OTC: variants seen among roughly 807,000 people sequenced by gnomAD.
The protein encoded by OTC is ornithine transcarbamylase.
In OTC, 3 loss-of-function variants were observed where a neutral mutation model predicts 30.3. The ratio of observed to expected loss-of-function variants is 0.10; its 90% CI spans 0.05 to 0.26. OTC has a LOEUF of 0.26. Ranked by LOEUF, OTC falls within the 10% of genes least tolerant of loss-of-function variation. OTC has a pLI of 1.00. For missense variants in OTC, 194 were observed against 260.3 expected, an observed-to-expected ratio of 0.75 and a Z score of 1.75; for synonymous variants, 111 against 99.7, an observed-to-expected ratio of 1.11 and a Z score of -0.67.
At chrX:38,400,238 G>C (rs1274808779) in intron 4 of OTC, among the ~76,000 whole-genome samples, 2 of 111,148 alleles carry the variant, frequency 1.8e-5, no homozygotes, top group African/African-American at 3.3e-5. Context: ...TTGAAAATCT[G>C]GGAGCCATGG....
chrX:38,330,872 G>A, the OTC span, among the ~76,000 whole-genome samples: 1 of 112,085 alleles, frequency 8.9e-6, no homozygotes, highest in Non-Finnish European at 1.9e-5. Flanking sequence ...ACAGTGTGAT[G>A]TGATTTTGTG....
chrX:38,367,433 T>C lies in OTC; in HGVS notation c.216+4T>C, dbSNP rs2068302509. ...TAGGATAAAACAGAAAGGAGAGGTA[T>C]GTAACATTTTCTTTTTACGTTCCAT... On this transcript the variant is annotated splice_donor_region_variant and intron_variant, in intron 2 of 9. Transcript: ENST00000039007. 8.3e-7 allele frequency: 1 copy of C among 1,199,871 alleles called. No individual in the cohort carries two copies. The highest frequency in any genetic ancestry group is 1.7e-5 in the African/African-American group (1 of 57,494).
chrX:38,387,453 A>T (rs909214005), intron 4 of OTC, among the ~76,000 whole-genome samples: 8 of 112,186 alleles, frequency 7.1e-5, no homozygotes, highest in Non-Finnish European at 1.3e-4. Context: ...ACAATAATAA[A>T]ACCTATTCAC....
the OTC span, among the ~76,000 whole-genome samples, chrX:38,332,504 T>TTTTATATATATATATA: frequency 2.5e-5 from 1 of 39,381 alleles, no homozygotes; most frequent in Non-Finnish European, 4.7e-5. Flanking sequence ...GCCCTAGATT[T>TTTTATATATATATATA]TATATATATA....
chrX:38,369,804 T>C lies in OTC; in HGVS notation c.225T>C (p.Pro75=), dbSNP rs754702815. Residue 75 remains proline, a synonymous_variant, in exon 3 of 10, where the codon CCT becomes CCC. Transcript: ENST00000039007. The stretch of plus-strand genomic sequence containing the variant: ...TTGTCCTTGATTTATAGTATTTGCC[T>C]TTATTGCAAGGGAAGTCCTTAGGCA... ...FRIKQKGEYL[P]LLQGKSLGMI... is the part of the protein sequence containing the mutation. The C allele has an allele frequency of 8.5e-7, 1 of 1,172,449 alleles. No individual in the cohort carries two copies. The highest frequency in any genetic ancestry group is 1.2e-6 in the Non-Finnish European group (1 of 860,002).
chrX:38,387,045 A>G (rs1393419517), intron 4 of OTC, among the ~76,000 whole-genome samples: 1 of 112,625 alleles, frequency 8.9e-6, no homozygotes, highest in Non-Finnish European at 1.9e-5. Context: ...TTCCCTAATT[A>G]TTAGTAATAT....
intron 4 of OTC, among the ~76,000 whole-genome samples, chrX:38,383,861 C>T (rs778231785): frequency 3.7e-4 from 41 of 109,684 alleles, no homozygotes; most frequent in African/African-American, 1.1e-3. Flanking sequence ...TTGACTTGCA[C>T]GTCAAGAGGT....
chrX:38,370,581 C>G (rs2068318505), intron 3 of OTC, among the ~76,000 whole-genome samples: 1 of 111,403 alleles, frequency 9.0e-6, no homozygotes, highest in Non-Finnish European at 1.9e-5. Flanking sequence ...CCGGCCTGAA[C>G]ATTGGGAGGA....
At chrX:38,344,315 TCC>T in the OTC span, among the ~76,000 whole-genome samples, 6 of 110,581 alleles carry the variant, frequency 5.4e-5, no homozygotes, top group African/African-American at 2.0e-4. Context: ...ATGGGTGATT[TCC>T]TTTACTATAA....
intron 1 of OTC, among the ~76,000 whole-genome samples, chrX:38,362,964 C>A (rs890316260): frequency 1.8e-5 from 2 of 112,349 alleles, no homozygotes; most frequent in Non-Finnish European, 3.8e-5. Context: ...AGATCTATGA[C>A]ATTCTCTTAA....
intron 5 of OTC, among the ~76,000 whole-genome samples, chrX:38,402,604 TCACA>T (rs757335422): frequency 8.9e-6 from 1 of 111,879 alleles, no homozygotes; most frequent in Non-Finnish European, 1.9e-5. Flanking sequence ...ATTCATGTGT[TCACA>T]CAGTTTTGTC....
At chrX:38,361,954 C>G (rs750462169) in intron 1 of OTC, among the ~76,000 whole-genome samples, 1 of 110,720 alleles carries the variant, frequency 9.0e-6, no homozygotes, top group African/African-American at 3.3e-5. Flanking sequence ...CACACACTAC[C>G]ATGCAAATTA....
At chrX:38,395,684 G>A (rs765923300) in intron 4 of OTC, 13 of 146,795 alleles carry the variant, frequency 8.9e-5, no homozygotes, top group African/African-American at 4.1e-4. Flanking sequence ...TGGACAGCAG[G>A]TTCTGTTTTG....
chrX:38,418,194 G>A (rs2316035), intron 9 of OTC, among the ~76,000 whole-genome samples: 47,029 of 110,259 alleles, frequency 0.43, 7,531 homozygotes, highest in East Asian at 0.64. Context: ...ATAGGTGTGT[G>A]GTGATATCTC....
chrX:38,354,424 A>G (rs191634198), intron 1 of OTC, among the ~76,000 whole-genome samples: 15 of 105,417 alleles, frequency 1.4e-4, no homozygotes, highest in African/African-American at 4.9e-4. Context: ...ATGAATAATC[A>G]AAGCCTGGAA....
upstream of OTC, among the ~76,000 whole-genome samples, chrX:38,349,202 G>A (rs188202883): frequency 3.1e-3 from 347 of 111,940 alleles, 1 homozygote; most frequent in African/African-American, 0.011. Context: ...AGGGAAATGA[G>A]ACAGGGAAGG....
intron 6 of OTC, among the ~76,000 whole-genome samples, chrX:38,406,306 A>G (rs918126971): frequency 4.5e-5 from 5 of 112,306 alleles, no homozygotes; most frequent in East Asian, 5.5e-4. Flanking sequence ...TTAACCAAGA[A>G]TAACTTACAT....
chrX:38,403,522 A>G, intron 5 of OTC, 96 bp from the exon 6 acceptor site: 16 of 954,394 alleles, frequency 1.7e-5, no homozygotes, highest in Non-Finnish European at 2.4e-5. Flanking sequence ...CAAGGCACTA[A>G]TACTGAGATT....
intron 1 of OTC, 120 bp downstream of exon 1, chrX:38,352,893 G>A: frequency 1.8e-6 from 1 of 547,322 alleles, no homozygotes; most frequent in Non-Finnish European, 3.2e-6. Flanking sequence ...ACTCTTATTT[G>A]AGACAGCTGC....
Sources: allele counts gnomAD v4.1 joint callset (sites outside exome capture counted in the v4.1 genomes callset), GRCh38; gene constraint gnomAD v4.1.1; transcripts MANE v1.5; gene names NCBI Gene and HGNC (gene_info 2026-07-23, HGNC 2026-07-21).